ANK2: variants seen among roughly 807,000 people sequenced by gnomAD.
ANK2 encodes ankyrin 2, also known as ankyrin-2.
ANK2 carries 83 observed loss-of-function variants against 360.5 expected under a neutral mutation model. The ratio of observed to expected loss-of-function variants is 0.23; its 90% CI spans 0.19 to 0.28. The LOEUF (loss-of-function observed/expected upper bound fraction) is 0.28. ANK2 is among the 10% of genes least tolerant of loss of function. The pLI, the probability that ANK2 is intolerant of heterozygous loss-of-function variation, is 1.00. For missense variants in ANK2, 4,201 were observed against 4,795.7 expected, an observed-to-expected ratio of 0.88 and a Z score of 3.66; for synonymous variants, 1,740 against 1,759.5, an observed-to-expected ratio of 0.99 and a Z score of 0.28.
At chr4:112,942,350 C>G (rs951047022) in intron 2 of ANK2, among the ~76,000 whole-genome samples, 6 of 152,020 alleles carry the variant, frequency 3.9e-5, no homozygotes, top group African/African-American at 1.4e-4. Flanking sequence ...CAAGTCAGTG[C>G]TCAATATTTG....
At chr4:113,217,157 A>G (rs1311943632) in intron 4 of ANK2, 2 of 152,204 alleles carry the variant, frequency 1.3e-5, no homozygotes, top group Non-Finnish European at 2.9e-5. Context: ...TGTCCTTTGT[A>G]TGAAATCATC....
At chr4:112,842,852 C>A (rs932041934) in intron 1 of ANK2, among the ~76,000 whole-genome samples, 1 of 152,212 alleles carries the variant, frequency 6.6e-6, no homozygotes, top group Admixed American at 6.5e-5. Flanking sequence ...TATTATCTTA[C>A]AATTAGAGAT....
At chr4:112,962,772 T>TA (rs1167365746) in intron 2 of ANK2, among the ~76,000 whole-genome samples, 1 of 152,158 alleles carries the variant, frequency 6.6e-6, no homozygotes, top group Non-Finnish European at 1.5e-5. Flanking sequence ...TCTGTGTTTT[T>TA]AAAAGCTTTT....
At chr4:113,084,992 TATAATCCAA>T (rs1247109841) in intron 1 of ANK2, among the ~76,000 whole-genome samples, 1 of 152,352 alleles carries the variant, frequency 6.6e-6, no homozygotes, top group Admixed American at 6.5e-5. Flanking sequence ...TGTTAAGGGT[TATAATCCAA>T]ATAATCCAGG....
intron 5 of ANK2, among the ~76,000 whole-genome samples, chr4:113,234,348 T>C (rs1270912465): frequency 6.6e-6 from 1 of 152,254 alleles, no homozygotes; most frequent in Non-Finnish European, 1.5e-5. Context: ...TGTGAGGTTT[T>C]AAATTCTAGC....
intron 9 of ANK2, among the ~76,000 whole-genome samples, chr4:113,246,619 A>G (rs1202267024): frequency 6.6e-6 from 1 of 152,218 alleles, no homozygotes; most frequent in Non-Finnish European, 1.5e-5. Flanking sequence ...AAATATTAAA[A>G]AACATATTTC....
At chr4:113,314,793 AG>A (rs2081899379) in intron 24 of ANK2, among the ~76,000 whole-genome samples, 1 of 152,194 alleles carries the variant, frequency 6.6e-6, no homozygotes, top group African/African-American at 2.4e-5. Context: ...ATTTCATTTA[AG>A]TAGATTATAC....
intron 2 of ANK2, among the ~76,000 whole-genome samples, chr4:113,176,116 A>G (rs1036689210): frequency 6.6e-6 from 1 of 152,172 alleles, no homozygotes; most frequent in Non-Finnish European, 1.5e-5. Flanking sequence ...AACACAACCC[A>G]CATGTATGGG....
chr4:113,233,747 A>G (rs1193190321), intron 5 of ANK2, among the ~76,000 whole-genome samples: 1 of 152,134 alleles, frequency 6.6e-6, no homozygotes, highest in South Asian at 2.1e-4. Context: ...CCAAGAAATC[A>G]CTATTAATGA....
In ANK2 at chr4:113,330,305, A is replaced by G. The variant is rs760211451; in HGVS notation, c.2960A>G (p.Asn987Ser). 1.2e-6 allele frequency: 2 copies of G among 1,614,230 alleles called. No individual in the cohort carries two copies. The highest frequency in any genetic ancestry group is 1.7e-6 in the Non-Finnish European group (2 of 1,180,034). Residue 987 changes from asparagine to serine, a missense_variant, in exon 27 of 46, where the codon AAT becomes AGT. Physicochemically the swap from Asn to Ser is conservative, Grantham distance 46 (BLOSUM62 1). Around this residue, in one of 4 missense-constraint regions of ANK2, gnomAD observed 1,268 missense variants for 1,650.8 expected, o/e 0.77. Transcript: ENST00000357077. Reference protein sequence around the residue: ...RGGAMRGCRHNGLRIIIPPRK... With the variant: ...RGGAMRGCRHSGLRIIIPPRK... The stretch of plus-strand genomic sequence containing the variant: ...GGTGCTATGCGAGGATGCAGACACA[A>G]TGGGCTCCGAATCATTATTCCACCT...
chr4:113,110,012 CA>C (rs2154365053), intron 1 of ANK2, among the ~76,000 whole-genome samples: 2 of 152,194 alleles, frequency 1.3e-5, no homozygotes, highest in South Asian at 4.1e-4. Flanking sequence ...CACGAGTGGG[CA>C]TAAAATGAAA....
In ANK2 at chr4:113,293,013, T is replaced by G. The variant is rs2068651178; in HGVS notation, c.2377-427T>G. ...TGCACAGTGAGCTTCTGCACAGCTGTAGCTAAATATGTTACCGTGTTCCCG... is the reference window on the plus strand; with the variant it reads ...TGCACAGTGAGCTTCTGCACAGCTGGAGCTAAATATGTTACCGTGTTCCCG... On this transcript the variant is annotated intron_variant, in intron 21 of 45. Transcript: ENST00000357077. The G allele has an allele frequency of 8.3e-6, 3 of 360,792 alleles. No individual in the cohort carries two copies. In the Admixed American group the frequency reaches 1.1e-4, roughly 14 times the overall value. 22.3% of individuals were successfully genotyped at this position (360,792 alleles called of 1,614,324 possible).
the ANK2 span, among the ~76,000 whole-genome samples, chr4:112,740,144 GA>G: frequency 6.6e-6 from 1 of 151,058 alleles, no homozygotes; most frequent in African/African-American, 2.4e-5. Context: ...GTTCTGTTCT[GA>G]TGAGGAAAAA....
rs2095741088 is a variant in ANK2, at chr4:113,355,980, T to G, written c.7362T>G (p.Ser2454=). 6.2e-7 allele frequency: 1 copy of G among 1,614,062 alleles called. No homozygotes were observed. The highest frequency in any genetic ancestry group is 8.5e-7 in the Non-Finnish European group (1 of 1,179,970). ...EDNSSHKTPD[S]LEPSPLKESP... is the part of the protein sequence containing the mutation. ...ACTCTTCACACAAAACCCCTGATTC[T>G]CTGGAGCCAAGTCCTCTGAAAGAAT... Residue 2454 remains serine, a synonymous_variant, in exon 38 of 46, where the codon TCT becomes TCG. Coordinates refer to ENST00000357077, the MANE Select transcript of ANK2 (RefSeq NM_001148.6).
chr4:113,317,880 T>G, intron 25 of ANK2, 71 bp downstream of exon 25: 1 of 1,324,270 alleles, frequency 7.6e-7, no homozygotes, highest in Middle Eastern at 1.8e-4. Context: ...GCTAGAAATG[T>G]CCTGAGAAAG....
At position 113,369,713 on chromosome 4, in the gene ANK2, T is replaced by C. The variant is rs2154066900; in HGVS notation, c.11518T>C (p.Ser3840Pro). ...GCCCTCAGAGCACAGAGAGGAGAGC[T>C]CTCCGCGGAAAACCAGCCTCGTAAT... ...EEPSEHREESSPRKTSLVIVE... is the reference protein window; with the variant it reads ...EEPSEHREESPPRKTSLVIVE... The change falls in exon 43 of 46, where the codon TCT becomes CCT. Residue 3840 changes from serine to proline, a missense_variant. This residue lies in a region of ANK2 where 2,642 missense variants were observed against 2,714.5 expected (regional missense o/e 0.97). Transcript: ENST00000357077. 6.2e-7 allele frequency: 1 copy of C among 1,613,914 alleles called. No individual in the cohort carries two copies. The highest frequency in any genetic ancestry group is 1.7e-5 in the Admixed American group (1 of 59,998).
At chr4:112,755,917 CTTA>C in the ANK2 span, 2,572 of 149,790 alleles carry the variant, frequency 0.017, 54 homozygotes, top group African/African-American at 0.046. Flanking sequence ...TTGGACTACC[CTTA>C]TTATTATTAT....
intron 19 of ANK2, among the ~76,000 whole-genome samples, chr4:113,287,923 G>T (rs1343641464): frequency 6.6e-6 from 1 of 152,222 alleles, no homozygotes; most frequent in African/African-American, 2.4e-5. Flanking sequence ...CCCTTTGCAG[G>T]AAGACTCCAA....
the ANK2 span, among the ~76,000 whole-genome samples, chr4:112,791,636 C>A: frequency 1.4e-5 from 2 of 143,268 alleles, no homozygotes; most frequent in Non-Finnish European, 3.0e-5. Context: ...CTACAGGCAC[C>A]CGCCACCACG....
Sources: gnomAD v4.1 joint callset for allele counts (sites outside exome capture counted in the v4.1 genomes callset) on GRCh38, gnomAD v4.1.1 for gene constraint, gnomAD v4.1.1 regional missense constraint, MANE v1.5 for transcripts, NCBI Gene and HGNC (gene_info 2026-07-23, HGNC 2026-07-21) for gene names.